INTS1: variants seen among roughly 807,000 people sequenced by gnomAD.
INTS1 encodes integrator complex subunit 1.
INTS1 carries 137 observed loss-of-function variants against 241.6 expected under a neutral mutation model. That is an observed-to-expected ratio of 0.57 (90% CI 0.49 to 0.65). INTS1 has a LOEUF of 0.65. Among genes scored for constraint, INTS1 ranks in the 30% least tolerant of loss-of-function variants. INTS1 has a pLI of 0.00. For synonymous variants in INTS1, 1,692 were observed against 1,337.8 expected (o/e 1.26, Z -5.78); for missense variants, 3,073 against 3,032.2 (o/e 1.01, Z -0.32).
In INTS1 at chr7:1,470,532, G is replaced by T; in HGVS notation, c.*45C>A. On this transcript the variant is annotated 3_prime_UTR_variant, in exon 48 of 48. Coordinates refer to ENST00000404767, the MANE Select transcript of INTS1 (RefSeq NM_001080453.3). Reference sequence around the variant, plus strand: ...TGGGCTTTGCCTCGAGGATCCCCGGGGACGGGACGGGCCGGGGCTTGGAGG... The same window carrying T: ...TGGGCTTTGCCTCGAGGATCCCCGGTGACGGGACGGGCCGGGGCTTGGAGG... 7.1e-7 allele frequency: 1 copy of T among 1,410,956 alleles called. No homozygotes were observed. 87.4% of individuals were successfully genotyped at this position (1,410,956 alleles called of 1,614,324 possible). A position where few individuals can be genotyped will look rare whatever the true frequency, so the allele number is the denominator to read the frequency against.
chr7:1,476,575 G>A lies in INTS1; in HGVS notation c.5146C>T (p.Pro1716Ser). 1 of 1,497,520 alleles carries A rather than the reference G, an allele frequency of 6.7e-7. No individual in the cohort carries two copies. The highest frequency in any genetic ancestry group is 1.7e-5 in the African/African-American group (1 of 60,034). 92.8% of individuals were successfully genotyped at this position (1,497,520 alleles called of 1,614,324 possible). ...GCCACCCTCCCAAGACCTGCCTGCG[G>A]GGTGCGCTGGTCCCGCCCCTGCCAG... ...RIWQGRDQRT[P>S]QKRREELVLR... The change falls in exon 37 of 48, where the codon CCG becomes TCG. Residue 1716 changes from proline (P) to serine (S), a missense_variant. Physicochemically the swap from Pro to Ser is moderately conservative, Grantham distance 74 (BLOSUM62 -1). Transcript: ENST00000404767.
intron 26 of INTS1, 196 bp downstream of exon 26, chr7:1,483,546 C>G: frequency 1.6e-6 from 1 of 626,946 alleles, no homozygotes; most frequent in East Asian, 2.8e-5. Flanking sequence ...GGATCTCCCA[C>G]ACGTCCACCA....
chr7:1,491,620 G>A (rs1782549328), intron 16 of INTS1, among the ~76,000 whole-genome samples: 1 of 152,208 alleles, frequency 6.6e-6, no homozygotes, highest in Non-Finnish European at 1.5e-5. Flanking sequence ...TCCTGGCCAG[G>A]CGCGGTGTGG....
At position 1,475,952 on chromosome 7, in the gene INTS1, C is replaced by A; in HGVS notation, c.5498G>T (p.Cys1833Phe). ...HSEGAASSSVCKLDGLIHRFI... is the reference protein window; with the variant it reads ...HSEGAASSSVFKLDGLIHRFI... ...GCGGCAGAGTTGCGCCCTCACCTTG[C>A]AGACGCTGCTGCTGGCAGCCCCTTC... Residue 1833 changes from cysteine (C) to phenylalanine (F), a missense_variant, in exon 39 of 48, where the codon TGC becomes TTC. Transcript: ENST00000404767. 6.5e-7 allele frequency: 1 copy of A among 1,539,410 alleles called. No homozygotes were observed. The highest frequency in any genetic ancestry group is 1.4e-5 in the African/African-American group (1 of 73,096).
intron 27 of INTS1, 41 bp downstream of exon 27, chr7:1,482,505 C>T: frequency 6.4e-7 from 1 of 1,562,240 alleles, no homozygotes; most frequent in Non-Finnish European, 8.7e-7. Context: ...CCCGGGACCC[C>T]TGAGTCAGCA....
chr7:1,492,565 T>G (rs1278125614), intron 16 of INTS1, among the ~76,000 whole-genome samples: 2 of 152,218 alleles, frequency 1.3e-5, no homozygotes, highest in East Asian at 3.8e-4. Flanking sequence ...TTGCACACTT[T>G]AGATAACACG....
chr7:1,502,652 G>A (rs903006777), intron 3 of INTS1, among the ~76,000 whole-genome samples: 6 of 152,298 alleles, frequency 3.9e-5, no homozygotes, highest in Non-Finnish European at 5.9e-5. Context: ...AGACACATGA[G>A]ACAAACAACT....
At chr7:1,480,468 G>A in intron 29 of INTS1, 27 bp from the exon 30 acceptor site, 1 of 1,606,692 alleles carries the variant, frequency 6.2e-7, no homozygotes, top group African/African-American at 1.3e-5. Context: ...ACTGTCAGTG[G>A]CTGGACACTT....
At position 1,479,112 on chromosome 7, in the gene INTS1, C is replaced by T. The variant is rs944358869; in HGVS notation, c.4330-227G>A. The stretch of plus-strand genomic sequence containing the variant: ...ACCCCCCAGCTGGTGAGGGCTCCCA[C>T]GCGGTTCAAAGGAAAAAGTAAACAC... On this transcript the variant is annotated intron_variant, in intron 31 of 47. Coordinates refer to ENST00000404767, the MANE Select transcript of INTS1 (RefSeq NM_001080453.3). Among the ~76,000 whole-genome samples, 5 of 152,350 alleles carry T rather than the reference C, an allele frequency of 3.3e-5. No homozygotes were observed. In the East Asian group the frequency reaches 9.6e-4, roughly 29 times the overall value.
At chr7:1,476,725 C>A (rs560760306) in intron 36 of INTS1, 68 bp from the exon 37 acceptor site, 3 of 1,612,122 alleles carry the variant, frequency 1.9e-6, no homozygotes, top group Admixed American at 3.3e-5. Flanking sequence ...CAGTCAGAGC[C>A]GGCGCTGGGA....
At chr7:1,479,409 A>G (rs1203619624) in intron 31 of INTS1, 21 bp downstream of exon 31, 4 of 1,558,872 alleles carry the variant, frequency 2.6e-6, no homozygotes, top group African/African-American at 2.7e-5. Flanking sequence ...CCTCCCCCGC[A>G]AGAGGCCCAC....
intron 16 of INTS1, among the ~76,000 whole-genome samples, chr7:1,490,005 G>A (rs1471975252): frequency 1.3e-5 from 2 of 151,264 alleles, no homozygotes; most frequent in African/African-American, 2.4e-5. Context: ...CACCCCAGGA[G>A]CCACCGAGAT....
At chr7:1,492,650 G>A (rs567412214) in intron 16 of INTS1, among the ~76,000 whole-genome samples, 10 of 152,192 alleles carry the variant, frequency 6.6e-5, no homozygotes, top group South Asian at 2.1e-4. Flanking sequence ...ACGCACACAC[G>A]TTAAACACAG....
Position 1,503,909 on chromosome 7 carries a change from G to C in INTS1, c.52C>G (p.Pro18Ala). Residue 18 changes from proline (P) to alanine (A), a missense_variant, in exon 2 of 48, where the codon CCC (proline) becomes GCC (alanine). Physicochemically the swap from Pro to Ala is conservative, Grantham distance 27 (BLOSUM62 -1). Coordinates refer to ENST00000404767, the MANE Select transcript of INTS1 (RefSeq NM_001080453.3). ...TVRRPSAAAK[P>A]SGHPPPGDFI... Reference sequence around the variant, plus strand: ...AGCGAGGAGGGAGACGCACCTGAGGGTTTGGCCGCGGCGCTGGGCCGGCGC... The same window carrying C: ...AGCGAGGAGGGAGACGCACCTGAGGCTTTGGCCGCGGCGCTGGGCCGGCGC... 1.3e-6 allele frequency: 2 copies of C among 1,571,500 alleles called. No individual in the cohort carries two copies. Among genetic ancestry groups the C allele is most frequent in the African/African-American group, 1.4e-5 (1 of 73,902 alleles).
intron 28 of INTS1, 47 bp from the exon 29 acceptor site, chr7:1,480,980 G>T: frequency 7.2e-7 from 1 of 1,396,548 alleles, no homozygotes; most frequent in East Asian, 2.4e-5. Context: ...AGGGGCCAGG[G>T]AGCAGGTCCT....
intron 2 of INTS1, among the ~76,000 whole-genome samples, chr7:1,503,622 G>A (rs536595165): frequency 7.2e-4 from 109 of 152,292 alleles, no homozygotes; most frequent in African/African-American, 2.2e-3. Flanking sequence ...GCTGCCTCCC[G>A]CCTCCTGGCT....
chr7:1,497,350 A>T lies in INTS1; in HGVS notation c.1426-36T>A, dbSNP rs1452002843. On this transcript the variant is annotated intron_variant, in intron 10 of 47. Coordinates refer to ENST00000404767, the MANE Select transcript of INTS1 (RefSeq NM_001080453.3). The surrounding 1 kb of genome is among the most constrained non-coding windows in gnomAD (Gnocchi z 5.3). ...GAGAGGCCGCGTGGGAGGCTGCCCG[A>T]CAGTGCTGTCCCTGTCACAGGCCCC... 4 of 1,592,656 alleles carry T rather than the reference A, an allele frequency of 2.5e-6. No individual in the cohort carries two copies. Among genetic ancestry groups the T allele is most frequent in the Non-Finnish European group, 3.4e-6 (4 of 1,169,922 alleles).
At position 1,476,136 on chromosome 7, in the gene INTS1, G is replaced by C. The variant is rs980851327; in HGVS notation, c.5379-65C>G. The C allele has an allele frequency of 4.6e-6, 7 of 1,525,926 alleles. No homozygotes were observed. In the African/African-American group the frequency reaches 6.9e-5, roughly 15 times the overall value. 94.5% of individuals were successfully genotyped at this position (1,525,926 alleles called of 1,614,324 possible). A position where few individuals can be genotyped will look rare whatever the true frequency, so the allele number is the denominator to read the frequency against. Reference sequence around the variant, plus strand: ...CCCAGTGACAGGGGTGGGTGGACGGGACCAGGCGTGATGGGAACCCACCCA... The same window carrying C: ...CCCAGTGACAGGGGTGGGTGGACGGCACCAGGCGTGATGGGAACCCACCCA... On this transcript the variant is annotated intron_variant, in intron 38 of 47. Coordinates refer to ENST00000404767, the MANE Select transcript of INTS1 (RefSeq NM_001080453.3).
At chr7:1,487,486 C>T in intron 19 of INTS1, 37 bp from the exon 20 acceptor site, 1 of 1,596,692 alleles carries the variant, frequency 6.3e-7, no homozygotes, top group Non-Finnish European at 8.5e-7. Context: ...TCAGCACGCC[C>T]TGAGCGGATC....
Sources: gnomAD v4.1 joint callset for allele counts (sites outside exome capture counted in the v4.1 genomes callset) on GRCh38, gnomAD v4.1.1 for gene constraint, Gnocchi (gnomAD v3.1) non-coding constraint, MANE v1.5 for transcripts, NCBI Gene and HGNC (gene_info 2026-07-23, HGNC 2026-07-21) for gene names.